Variants in FUT8 observed in about 807,000 individuals in gnomAD.
FUT8 encodes the protein alpha-(1,6)-fucosyltransferase.
FUT8 carries 29 observed loss-of-function variants against 71.3 expected under a neutral mutation model. The ratio of observed to expected loss-of-function variants is 0.41; its 90% confidence interval spans 0.30 to 0.55. FUT8 has a LOEUF of 0.55. Ranked by LOEUF, FUT8 falls within the 20% of genes least tolerant of loss-of-function variation. The probability of loss-of-function intolerance (pLI) is 0.34; values close to 1 mark genes in which losing one functional copy is unlikely to be tolerated. For synonymous variants in FUT8, 254 were observed against 239.3 expected (o/e 1.06, Z -0.57); for missense variants, 544 against 702.1 (o/e 0.77, Z 2.55).
In FUT8 at chr14:65,732,492, C is replaced by T. The variant is rs2411350; in HGVS notation, c.1260-739C>T. On this transcript the variant is annotated intron_variant, in intron 9 of 10. Transcript: ENST00000673929. ...TTCTATATAAGAACTATTATTCCTT[C>T]AGCAAATATTTATTCCTCCTCTATT... 8.0e-3 allele frequency among the ~76,000 whole-genome samples: 1,212 copies of T among 152,334 alleles called. 43 individuals carry two copies. The highest frequency in any genetic ancestry group is 0.063 in the Admixed American group (960 of 15,300).
rs1555360982 is a variant in FUT8 at position 65,439,952 on chromosome 14, G to GTGTGTA, written c.-325-15666_-325-15665insGTATGT. 2.3e-3 allele frequency among the ~76,000 whole-genome samples: 86 copies of GTGTGTA among 38,218 alleles called. 1 individual carries two copies. The highest frequency in any genetic ancestry group is 5.8e-3 in the African/African-American group (76 of 13,110). The allele number at this position is 38,218 out of a possible 152,430, so 25.1% of individuals were successfully genotyped here. A position where few individuals can be genotyped will look rare whatever the true frequency, so the allele number is the denominator to read the frequency against. On this transcript the variant is annotated intron_variant, in intron 1 of 10. Coordinates refer to ENST00000673929, the MANE Select transcript of FUT8 (RefSeq NM_001371533.1). ...GGATAAAGAAAATGTGTGTGTGTGTGTGTATATATATATATATATATATAT... is the reference window on the plus strand; with the variant it reads ...GGATAAAGAAAATGTGTGTGTGTGTGTGTGTATGTATATATATATATATATATATAT...
At chr14:65,679,708 A>G (rs1892945094) in intron 7 of FUT8, among the ~76,000 whole-genome samples, 1 of 152,192 alleles carries the variant, frequency 6.6e-6, no homozygotes, top group Non-Finnish European at 1.5e-5. Context: ...TACAAACTGT[A>G]TCACATTATA....
intron 7 of FUT8, among the ~76,000 whole-genome samples, chr14:65,692,097 G>C (rs111823541): frequency 6.6e-6 from 1 of 151,782 alleles, no homozygotes; most frequent in East Asian, 1.9e-4. Flanking sequence ...ATCATGGCCC[G>C]TTCTCAATGA....
intron 2 of FUT8, among the ~76,000 whole-genome samples, chr14:65,555,057 G>T (rs569856742): frequency 1.3e-5 from 2 of 151,986 alleles, no homozygotes; most frequent in Non-Finnish European, 2.9e-5. Flanking sequence ...GCCAAATCTG[G>T]TCCACAGCCC....
At chr14:65,374,094 C>T in the FUT8 span, among the ~76,000 whole-genome samples, 1 of 152,206 alleles carries the variant, frequency 6.6e-6, no homozygotes, top group African/African-American at 2.4e-5. Flanking sequence ...ACTCGTTGAT[C>T]TGTTTTTCCT....
At chr14:65,614,455 T>G (rs893356801) in intron 3 of FUT8, among the ~76,000 whole-genome samples, 1 of 152,240 alleles carries the variant, frequency 6.6e-6, no homozygotes, top group Admixed American at 6.5e-5. Flanking sequence ...CTTTATGGCT[T>G]AAAACAACAT....
chr14:65,472,410 T>C lies in FUT8; in HGVS notation c.-228+16692T>C, dbSNP rs1413429140. Among the ~76,000 whole-genome samples the C allele has an allele frequency of 1.3e-5, 2 of 151,904 alleles. No individual in the cohort carries two copies. The highest frequency in any genetic ancestry group is 2.9e-5 in the Non-Finnish European group (2 of 67,988). On this transcript the variant is annotated intron_variant, in intron 2 of 10. Transcript: ENST00000673929. The surrounding 1 kb of genome is among the most constrained non-coding windows in gnomAD (Gnocchi z 4.4). ...CTCCCATTAGGCCCCACCCCCAACATTGAGATCAAATTTCAACAGGAGGGA... is the reference window on the plus strand; with the variant it reads ...CTCCCATTAGGCCCCACCCCCAACACTGAGATCAAATTTCAACAGGAGGGA...
chr14:65,618,051 A>ATATATATGTATG (rs1555376254), intron 5 of FUT8, among the ~76,000 whole-genome samples: 17 of 84,282 alleles, frequency 2.0e-4, no homozygotes, highest in African/African-American at 4.7e-4. Flanking sequence ...ATATATATAT[A>ATATATATGTATG]TATGTATGTA....
chr14:65,528,820 T>C (rs946839181), intron 2 of FUT8: 27 of 152,146 alleles, frequency 1.8e-4, no homozygotes, highest in African/African-American at 6.3e-4. Flanking sequence ...TGTAAATCTT[T>C]GAATTTAATT....
chr14:65,675,951 C>T (rs991274847), intron 7 of FUT8, among the ~76,000 whole-genome samples: 6 of 152,104 alleles, frequency 3.9e-5, no homozygotes, highest in Non-Finnish European at 4.4e-5. Context: ...GAGCCGAGAT[C>T]GCGCCACTGC....
chr14:65,470,857 G>C (rs2066133455), intron 2 of FUT8, among the ~76,000 whole-genome samples: 1 of 151,930 alleles, frequency 6.6e-6, no homozygotes, highest in South Asian at 2.1e-4. Flanking sequence ...CTCTCTGCTT[G>C]ACTGTGCTGC....
chr14:65,389,192 ATTTTTTATTT>A, the FUT8 span, among the ~76,000 whole-genome samples: 1 of 149,898 alleles, frequency 6.7e-6, no homozygotes, highest in African/African-American at 2.5e-5. Context: ...TAAAAAAATT[ATTTTTTATTT>A]TTATTTTTTA....
intron 3 of FUT8, among the ~76,000 whole-genome samples, chr14:65,575,175 A>G (rs1156322997): frequency 6.6e-6 from 1 of 151,982 alleles, no homozygotes; most frequent in Non-Finnish European, 1.5e-5. Context: ...ATTTGCAAGT[A>G]GTAAAGAAAT....
At chr14:65,659,286 A>G (rs1233495816) in intron 6 of FUT8, among the ~76,000 whole-genome samples, 1 of 151,850 alleles carries the variant, frequency 6.6e-6, no homozygotes, top group Non-Finnish European at 1.5e-5. Flanking sequence ...GGCTGGCTGC[A>G]TGGAGAAATG....
intron 3 of FUT8, among the ~76,000 whole-genome samples, chr14:65,589,039 C>T (rs1594793639): frequency 6.6e-6 from 1 of 152,068 alleles, no homozygotes; most frequent in South Asian, 2.1e-4. Flanking sequence ...TTTTACTTTC[C>T]TCCTCTTTCC....
chr14:65,535,519 T>G (rs1200820439), intron 2 of FUT8, among the ~76,000 whole-genome samples: 2 of 152,224 alleles, frequency 1.3e-5, no homozygotes, highest in Admixed American at 6.5e-5. Context: ...GTTAAAGAAC[T>G]TCTTTGGTTT....
At chr14:65,721,641 C>G in intron 7 of FUT8, 134 bp from the exon 8 acceptor site, 1 of 919,324 alleles carries the variant, frequency 1.1e-6, no homozygotes, top group Non-Finnish European at 1.7e-6. Flanking sequence ...AGTTATTTAA[C>G]TTCCTTTGTA....
Position 65,501,105 on chromosome 14 carries a change from T to A in FUT8, c.-228+45387T>A, listed in dbSNP as rs142212170. ...ATTCCATCTAGCCATGATGGCTCAG[T>A]TAGGATCAGGTCAGGAAAACAGTCC... On this transcript the variant is annotated intron_variant, in intron 2 of 10. Coordinates refer to ENST00000673929, the MANE Select transcript of FUT8 (RefSeq NM_001371533.1). Among the ~76,000 whole-genome samples, 754 of 152,276 alleles carry A rather than the reference T, an allele frequency of 5.0e-3. 8 individuals carry two copies. Among genetic ancestry groups the A allele is most frequent in the African/African-American group, 0.017 (718 of 41,552 alleles).
Position 65,443,663 on chromosome 14 carries a change from T to C in FUT8, c.-325-11958T>C, listed in dbSNP as rs1382211652. Among the ~76,000 whole-genome samples the C allele has an allele frequency of 5.3e-5, 8 of 150,388 alleles. No individual in the cohort carries two copies. In the Middle Eastern group the frequency reaches 0.01, roughly 194 times the overall value. On this transcript the variant is annotated intron_variant, in intron 1 of 10. Coordinates refer to ENST00000673929, the MANE Select transcript of FUT8 (RefSeq NM_001371533.1). ...TGAGCCCAGGAGGTTGAGGCTGCAG[T>C]GAGTCATGATTGTGCCACTGCTCTC...
Sources: gnomAD v4.1 joint callset for allele counts (sites outside exome capture counted in the v4.1 genomes callset) on GRCh38, gnomAD v4.1.1 for gene constraint, Gnocchi (gnomAD v3.1) non-coding constraint, MANE v1.5 for transcripts, NCBI Gene and HGNC (gene_info 2026-07-23, HGNC 2026-07-21) for gene names.